ST7: variants seen among roughly 807,000 people sequenced by gnomAD.
The protein encoded by ST7 is suppressor of tumorigenicity 7 protein.
Under a neutral mutation model 78.7 loss-of-function variants are expected in ST7, and 28 were observed. The observed-to-expected ratio is 0.36, with a 90% CI of 0.26 to 0.49. The LOEUF is 0.49. ST7 is among the 20% of genes least tolerant of loss of function. The pLI is 0.99. For missense variants in ST7, 418 were observed against 696.0 expected (o/e 0.60, Z 4.49); for synonymous variants, 247 against 249.6 (o/e 0.99, Z 0.10).
intron 1 of ST7, among the ~76,000 whole-genome samples, chr7:117,026,855 G>T (rs573540711): frequency 6.6e-6 from 1 of 152,338 alleles, no homozygotes; most frequent in South Asian, 2.1e-4. Context: ...ACTTCTTAAG[G>T]CTGGGTGAAG....
chr7:117,088,344 G>T (rs1356641264), intron 1 of ST7, among the ~76,000 whole-genome samples: 3 of 151,980 alleles, frequency 2.0e-5, no homozygotes, highest in Non-Finnish European at 2.9e-5. Flanking sequence ...GTTATTTTCT[G>T]CCCCCAGTGT....
chr7:117,107,897 C>T (rs1233161881), intron 2 of ST7, among the ~76,000 whole-genome samples: 1 of 151,802 alleles, frequency 6.6e-6, no homozygotes, highest in Non-Finnish European at 1.5e-5. Flanking sequence ...TTGTAGACGT[C>T]AGCCACTGCA....
chr7:116,990,744 C>T (rs1190303843), intron 1 of ST7, among the ~76,000 whole-genome samples: 1 of 152,206 alleles, frequency 6.6e-6, no homozygotes, highest in African/African-American at 2.4e-5. Context: ...CTGGCACTGA[C>T]TGTTCCTTTT....
intron 1 of ST7, among the ~76,000 whole-genome samples, chr7:117,041,446 G>A (rs1410388163): frequency 2.0e-5 from 3 of 152,156 alleles, no homozygotes; most frequent in African/African-American, 7.2e-5. Context: ...AGCAAAGAAT[G>A]AAGGTCTGCA....
intron 3 of ST7, among the ~76,000 whole-genome samples, chr7:117,125,566 T>C (rs1041109425): frequency 6.6e-6 from 1 of 152,132 alleles, no homozygotes; most frequent in Non-Finnish European, 1.5e-5. Context: ...AGAATATGGA[T>C]ATTTTTACTA....
intron 10 of ST7, 109 bp downstream of exon 10, chr7:117,171,085 T>C (rs193563): frequency 0.078 from 42,478 of 544,408 alleles, 3,742 homozygotes; most frequent in African/African-American, 0.31. Flanking sequence ...GTAGCCATAC[T>C]CTTATAGAAT....
intron 13 of ST7, among the ~76,000 whole-genome samples, chr7:117,214,795 GTTTA>G (rs896323639): frequency 6.6e-6 from 1 of 151,852 alleles, no homozygotes; most frequent in Admixed American, 6.6e-5. Flanking sequence ...TTGATTGTGC[GTTTA>G]TTCATTCATT....
intron 9 of ST7, among the ~76,000 whole-genome samples, chr7:117,160,653 G>GTGTATATATA (rs150222080): frequency 0.062 from 9,075 of 147,404 alleles, 374 homozygotes; most frequent in East Asian, 0.17. Context: ...GTGTGTGTGT[G>GTGTATATATA]TATATATATA....
chr7:117,059,785 A>G (rs1798253050), intron 1 of ST7, among the ~76,000 whole-genome samples: 1 of 139,840 alleles, frequency 7.2e-6, no homozygotes, highest in Non-Finnish European at 1.5e-5. Context: ...AGCCTTTGCT[A>G]CTTAGTAAGA....
chr7:117,147,764 G>A (rs908299458), intron 9 of ST7, among the ~76,000 whole-genome samples: 1 of 151,676 alleles, frequency 6.6e-6, no homozygotes, highest in African/African-American at 2.4e-5. Flanking sequence ...TCTATCCTCT[G>A]TGTTTGTTGC....
intron 1 of ST7, among the ~76,000 whole-genome samples, chr7:117,070,926 C>T (rs2116508370): frequency 6.6e-6 from 1 of 151,890 alleles, no homozygotes; most frequent in South Asian, 2.1e-4. Context: ...ATTTTTTGTG[C>T]ATTTCACCAC....
At chr7:117,102,945 G>A (rs1801675741) in intron 2 of ST7, among the ~76,000 whole-genome samples, 1 of 151,870 alleles carries the variant, frequency 6.6e-6, no homozygotes, top group African/African-American at 2.4e-5. Flanking sequence ...TGAACAATCT[G>A]AAAAAGAAAT....
Position 117,091,833 on chromosome 7 carries a change from G to C in ST7, c.152-7929G>C, listed in dbSNP as rs976975837. The stretch of plus-strand genomic sequence containing the variant: ...GGCTTAGATGGGTCTTCTGCTCTGG[G>C]CCTCACAAGGCTATAATCAAGGTGT... On this transcript the variant is annotated intron_variant, in intron 1 of 15. Transcript: ENST00000323984. Among the ~76,000 whole-genome samples the C allele has an allele frequency of 2.0e-5, 3 of 152,088 alleles. No individual in the cohort carries two copies. In the East Asian group the frequency reaches 5.8e-4, roughly 29 times the overall value.
chr7:116,965,450 A>C (rs879477533), intron 1 of ST7, among the ~76,000 whole-genome samples: 1 of 152,132 alleles, frequency 6.6e-6, no homozygotes, highest in Non-Finnish European at 1.5e-5. Flanking sequence ...ACAAATACCT[A>C]ATGCATGCGA....
intron 1 of ST7, among the ~76,000 whole-genome samples, chr7:117,080,083 C>A (rs1268843184): frequency 6.7e-6 from 1 of 148,858 alleles, no homozygotes. Context: ...CGGGTTCACG[C>A]CATTCTCCTG....
chr7:117,129,134 A>G (rs562588581), intron 3 of ST7, among the ~76,000 whole-genome samples: 4 of 151,772 alleles, frequency 2.6e-5, no homozygotes, highest in African/African-American at 4.8e-5. Context: ...AAGAGGTATG[A>G]CCTATTAGGA....
At chr7:117,029,596 A>G (rs1458007691) in intron 1 of ST7, among the ~76,000 whole-genome samples, 1 of 152,034 alleles carries the variant, frequency 6.6e-6, no homozygotes, top group Admixed American at 6.6e-5. Flanking sequence ...CAGTTTATCA[A>G]TTTCTTCTGT....
At chr7:117,014,862 T>G (rs934032864) in intron 1 of ST7, 28 of 560,632 alleles carry the variant, frequency 5.0e-5, no homozygotes, top group Non-Finnish European at 6.0e-5. Context: ...TTGAGAGAGA[T>G]AAGCAGAAGT....
intron 10 of ST7, 101 bp from the exon 11 acceptor site, chr7:117,189,220 C>A: frequency 1.5e-6 from 1 of 686,224 alleles, no homozygotes; most frequent in South Asian, 2.2e-5. Context: ...TTCATTTATG[C>A]TTTATTGCAC....
Sources: gnomAD v4.1 joint callset for allele counts (sites outside exome capture counted in the v4.1 genomes callset) on GRCh38, gnomAD v4.1.1 for gene constraint, MANE v1.5 for transcripts, NCBI Gene and HGNC (gene_info 2026-07-23, HGNC 2026-07-21) for gene names.